The following CLASP1 variants were observed in gnomAD, a reference collection of about 807,000 sequenced individuals.
CLASP1 encodes CLIP-associating protein 1.
CLASP1 carries 38 observed loss-of-function variants against 192.3 expected under a neutral mutation model. The ratio of observed to expected loss-of-function variants is 0.20; its 90% confidence interval spans 0.15 to 0.26. The LOEUF (loss-of-function observed/expected upper bound fraction) is 0.26. Ranked by LOEUF, CLASP1 falls within the 10% of genes least tolerant of loss-of-function variation. The pLI is 1.00. For missense variants in CLASP1, 1,433 were observed against 1,932.5 expected (o/e 0.74, Z 4.85); for synonymous variants, 691 against 712.8 (o/e 0.97, Z 0.49).
At chr2:121,437,064 G>A (rs2082417303) in intron 19 of CLASP1, among the ~76,000 whole-genome samples, 1 of 152,068 alleles carries the variant, frequency 6.6e-6, no homozygotes, top group Non-Finnish European at 1.5e-5. Flanking sequence ...CTGTGCTCAA[G>A]CGATCCCCCT....
chr2:121,585,280 G>A (rs1286289350), intron 2 of CLASP1, among the ~76,000 whole-genome samples: 2 of 152,114 alleles, frequency 1.3e-5, no homozygotes, highest in East Asian at 1.9e-4. Flanking sequence ...AGAAACTGAC[G>A]AGGGGAAGCC....
intron 37 of CLASP1, among the ~76,000 whole-genome samples, chr2:121,352,843 G>A (rs1440942163): frequency 5.3e-5 from 8 of 151,936 alleles, no homozygotes; most frequent in Non-Finnish European, 7.4e-5. Context: ...TAGTAGAGAC[G>A]GGGTTTCACC....
chr2:121,637,249 G>C (rs886609634), intron 1 of CLASP1, among the ~76,000 whole-genome samples: 2 of 152,082 alleles, frequency 1.3e-5, no homozygotes. Flanking sequence ...CCTGTTTTGA[G>C]GGAAGAAAAT....
intron 19 of CLASP1, among the ~76,000 whole-genome samples, chr2:121,436,295 G>A (rs548729277): frequency 6.6e-6 from 1 of 152,066 alleles, no homozygotes; most frequent in South Asian, 2.1e-4. Context: ...GCCTCCCAAA[G>A]CATTGGGATT....
chr2:121,464,142 A>C (rs1227079967), intron 9 of CLASP1, among the ~76,000 whole-genome samples: 1 of 151,662 alleles, frequency 6.6e-6, no homozygotes, highest in East Asian at 1.9e-4. Flanking sequence ...GATGATTTCC[A>C]ATTTCATCCA....
chr2:121,583,815 A>G (rs1470591326), intron 2 of CLASP1, among the ~76,000 whole-genome samples: 1 of 152,092 alleles, frequency 6.6e-6, no homozygotes, highest in Non-Finnish European at 1.5e-5. Flanking sequence ...GGCTTTGGGG[A>G]GGTGATTAAG....
intron 2 of CLASP1, among the ~76,000 whole-genome samples, chr2:121,542,105 A>T (rs1249602769): frequency 8.3e-6 from 1 of 121,098 alleles, no homozygotes; most frequent in Non-Finnish European, 1.8e-5. Flanking sequence ...GTCAATAAAT[A>T]CAGATCTACA....
intron 1 of CLASP1, among the ~76,000 whole-genome samples, chr2:121,607,010 T>C (rs2064512782): frequency 1.3e-5 from 2 of 151,568 alleles, no homozygotes; most frequent in Admixed American, 1.3e-4. Flanking sequence ...GAGCCGAGAT[T>C]GCGCCACTGT....
chr2:121,527,868 C>T (rs1237766934), exon 5 of CLASP1: 1 of 1,613,878 alleles, frequency 6.2e-7, no homozygotes. Flanking sequence ...TTTGAAGCCT[C>T]CAAGCATTCT....
chr2:121,608,991 C>T (rs2064831556), intron 1 of CLASP1, among the ~76,000 whole-genome samples: 1 of 152,136 alleles, frequency 6.6e-6, no homozygotes, highest in Non-Finnish European at 1.5e-5. Flanking sequence ...TAGGTGTTAA[C>T]GTCCTTATTT....
intron 2 of CLASP1, among the ~76,000 whole-genome samples, chr2:121,588,821 A>C (rs1004116209): frequency 6.6e-6 from 1 of 152,228 alleles, no homozygotes; most frequent in African/African-American, 2.4e-5. Context: ...ATTTGCCCCC[A>C]GTCGAGCCAC....
rs1306228825 is a variant in CLASP1 at position 121,616,891 on chromosome 2, C to A, written c.-285-10711G>T. Among the ~76,000 whole-genome samples, 6 of 152,304 alleles carry A rather than the reference C, an allele frequency of 3.9e-5. No homozygotes were observed. In the South Asian group the frequency reaches 6.2e-4, roughly 16 times the overall value. ...AAATCACAAAACTTTGTAGAGACTT[C>A]ATCAAGGCCTTCAAGAAGGTCACTG... On this transcript the variant is annotated intron_variant, in intron 1 of 39. Transcript: ENST00000263710.
chr2:121,419,921 T>C (rs560931555), intron 22 of CLASP1, among the ~76,000 whole-genome samples: 14 of 152,304 alleles, frequency 9.2e-5, no homozygotes, highest in African/African-American at 2.4e-4. Context: ...GCAATGAGCA[T>C]AGTCTATTGT....
chr2:121,389,869 T>C (rs2074040897), intron 30 of CLASP1, among the ~76,000 whole-genome samples: 1 of 152,182 alleles, frequency 6.6e-6, no homozygotes, highest in South Asian at 2.1e-4. Context: ...TATACATTTT[T>C]TTATTTTTAA....
chr2:121,518,672 A>T (rs1240118654), intron 6 of CLASP1, among the ~76,000 whole-genome samples: 2 of 152,092 alleles, frequency 1.3e-5, no homozygotes, highest in East Asian at 3.9e-4. Flanking sequence ...GTTCGAGACC[A>T]GCCTGGCCAA....
intron 37 of CLASP1, among the ~76,000 whole-genome samples, chr2:121,351,066 T>C (rs184638282): frequency 2.0e-3 from 311 of 152,288 alleles, no homozygotes; most frequent in Admixed American, 3.7e-3. Flanking sequence ...GCAGTGCACT[T>C]GAGGAGCAGG....
chr2:121,558,539 T>A (rs538621418), intron 2 of CLASP1, among the ~76,000 whole-genome samples: 9 of 152,248 alleles, frequency 5.9e-5, no homozygotes, highest in African/African-American at 2.2e-4. Flanking sequence ...AGTGGCTTTA[T>A]AAGAAGAGGA....
chr2:121,469,407 A>G (rs1281675011), intron 9 of CLASP1, among the ~76,000 whole-genome samples: 3 of 152,180 alleles, frequency 2.0e-5, no homozygotes, highest in African/African-American at 4.8e-5. Flanking sequence ...CAGGAGTTAC[A>G]GTGTGACTTC....
intron 6 of CLASP1, among the ~76,000 whole-genome samples, chr2:121,517,968 A>G (rs988003215): frequency 1.5e-5 from 2 of 137,712 alleles, no homozygotes; most frequent in Non-Finnish European, 3.0e-5. Flanking sequence ...AGGCGAGTTT[A>G]AGTTCAGGAG....
Sources: allele counts gnomAD v4.1 joint callset (sites outside exome capture counted in the v4.1 genomes callset), GRCh38; gene constraint gnomAD v4.1.1; transcripts MANE v1.5; gene names NCBI Gene and HGNC (gene_info 2026-07-23, HGNC 2026-07-21).